Variants in FRMPD4 observed in about 807,000 individuals in gnomAD.
The protein encoded by FRMPD4 is FERM and PDZ domain containing 4.
FRMPD4 carries 22 observed loss-of-function variants against 94.1 expected under a neutral mutation model. That is an observed-to-expected ratio of 0.23 (90% confidence interval 0.17 to 0.33). The LOEUF is 0.33. Among genes scored for constraint, FRMPD4 ranks in the 10% least tolerant of loss-of-function variants. FRMPD4 has a pLI of 1.00. For synonymous variants in FRMPD4, 631 were observed against 548.6 expected (o/e 1.15, Z -2.10); for missense variants, 1,111 against 1,339.9 (o/e 0.83, Z 2.67).
intron 2 of FRMPD4, among the ~76,000 whole-genome samples, chrX:12,593,067 C>G (rs1255196675): frequency 2.7e-5 from 3 of 111,830 alleles, no homozygotes; most frequent in African/African-American, 9.8e-5. Flanking sequence ...TTGCTTCCTT[C>G]TCCTCCTGTG....
chrX:12,125,374 G>C (rs1429402457), intron 3 of FRMPD4, among the ~76,000 whole-genome samples: 1 of 112,102 alleles, frequency 8.9e-6, no homozygotes, highest in Admixed American at 9.4e-5. Flanking sequence ...GGTGTTACCA[G>C]AAAGAAAGAA....
At chrX:11,988,315 G>C (rs904253294) in intron 3 of FRMPD4, among the ~76,000 whole-genome samples, 5 of 103,605 alleles carry the variant, frequency 4.8e-5, no homozygotes, top group African/African-American at 1.9e-4. Context: ...TTCTACAAAG[G>C]TGCCAAGAAA....
chrX:12,570,741 A>G (rs912634924), intron 2 of FRMPD4, among the ~76,000 whole-genome samples: 11 of 111,473 alleles, frequency 9.9e-5, no homozygotes, highest in African/African-American at 2.9e-4. Context: ...ACTGAACCCT[A>G]TGGATTCTGT....
intron 1 of FRMPD4, among the ~76,000 whole-genome samples, chrX:12,445,240 C>T (rs191935715): frequency 1.4e-4 from 16 of 112,275 alleles, no homozygotes; most frequent in Admixed American, 1.4e-3. Context: ...AACTGTAGGT[C>T]CCTCTACAGA....
In FRMPD4 at chrX:12,492,131, T is replaced by TCGGGGCAGGG. The variant is rs1451459572; in HGVS notation, c.42-6549_42-6548insCGGGGCAGGG. On this transcript the variant is annotated intron_variant, in intron 1 of 16. Coordinates refer to ENST00000675598, the MANE Select transcript of FRMPD4 (RefSeq NM_001368397.1). ...AATTCGGGGCAGGGCTGCATCTAAC[T>TCGGGGCAGGG]TTAATGGCAACCACTGCATGTGATG... is the stretch of plus-strand genomic sequence containing the variant. Among the ~76,000 whole-genome samples the TCGGGGCAGGG allele has an allele frequency of 5.3e-5, 6 of 112,236 alleles. No individual in the cohort carries two copies. In the South Asian group the frequency reaches 1.5e-3, roughly 28 times the overall value.
chrX:12,696,136 TGA>T (rs2060126209), intron 9 of FRMPD4, among the ~76,000 whole-genome samples: 1 of 113,000 alleles, frequency 8.8e-6, no homozygotes, highest in South Asian at 3.6e-4. Flanking sequence ...ATTGGTATGA[TGA>T]GAGTTTTCCC....
At chrX:11,906,114 A>ATTTT (rs2053965862) in intron 3 of FRMPD4, among the ~76,000 whole-genome samples, 1 of 49,701 alleles carries the variant, frequency 2.0e-5, no homozygotes, top group Non-Finnish European at 4.1e-5. Flanking sequence ...GTTTCCCTTC[A>ATTTT]TTTTATTTAT....
chrX:12,111,554 G>C lies in FRMPD4; in HGVS notation c.95+233536G>C, dbSNP rs1411752029. Among the ~76,000 whole-genome samples, 45 of 111,419 alleles carry C rather than the reference G, an allele frequency of 4.0e-4. No individual in the cohort carries two copies. The Middle Eastern group carries it at 0.023, about 58-fold the overall frequency. The stretch of plus-strand genomic sequence containing the variant: ...AACACCAAAAGCAATGGCAACAAAA[G>C]CCAAAATTGACAAATGAGATCTAAT... On this transcript the variant is annotated intron_variant, in intron 3 of 18. Transcript: ENST00000640291.
At chrX:12,164,285 G>C (rs1346336706) in intron 1 of FRMPD4, among the ~76,000 whole-genome samples, 3 of 111,031 alleles carry the variant, frequency 2.7e-5, no homozygotes, top group Non-Finnish European at 5.7e-5. Context: ...CTATGAGTGA[G>C]AACATGCGGT....
At chrX:11,913,334 A>G (rs1341793127) in intron 3 of FRMPD4, among the ~76,000 whole-genome samples, 1 of 112,469 alleles carries the variant, frequency 8.9e-6, no homozygotes, top group East Asian at 2.8e-4. Flanking sequence ...CTAACTGCAC[A>G]TTGAATCATC....
chrX:12,060,419 T>C (rs1391124548), intron 3 of FRMPD4, among the ~76,000 whole-genome samples: 1 of 108,972 alleles, frequency 9.2e-6, no homozygotes, highest in East Asian at 2.9e-4. Context: ...TTTTTTTTTT[T>C]GAGGTGTGTG....
intron 1 of FRMPD4, among the ~76,000 whole-genome samples, chrX:12,465,533 T>C (rs2148163241): frequency 8.9e-6 from 1 of 111,771 alleles, no homozygotes; most frequent in East Asian, 2.8e-4. Flanking sequence ...GTCATTCCAT[T>C]GGTTAGAAAA....
intron 1 of FRMPD4, among the ~76,000 whole-genome samples, chrX:12,475,472 G>A (rs1400121670): frequency 9.0e-6 from 1 of 111,503 alleles, no homozygotes; most frequent in African/African-American, 3.3e-5. Flanking sequence ...GGGCAATCAG[G>A]CAGGAGAAGG....
chrX:11,967,916 A>G (rs1383502976), intron 3 of FRMPD4, among the ~76,000 whole-genome samples: 1 of 109,740 alleles, frequency 9.1e-6, no homozygotes, highest in Non-Finnish European at 1.9e-5. Context: ...CAGTATCTAG[A>G]ATTTTGTGTT....
At chrX:12,527,812 C>T (rs778296139) in intron 2 of FRMPD4, among the ~76,000 whole-genome samples, 1 of 111,932 alleles carries the variant, frequency 8.9e-6, no homozygotes, top group East Asian at 2.8e-4. Context: ...GATGGGATGC[C>T]GTTGTTGGAA....
chrX:12,566,470 CAA>C (rs947491711), intron 2 of FRMPD4, among the ~76,000 whole-genome samples: 1 of 110,721 alleles, frequency 9.0e-6, no homozygotes, highest in Non-Finnish European at 1.9e-5. Flanking sequence ...ATTTCTCTTA[CAA>C]AAAAAAGATT....
At chrX:12,709,110 G>A (rs1020449218) in intron 13 of FRMPD4, among the ~76,000 whole-genome samples, 2 of 111,857 alleles carry the variant, frequency 1.8e-5, no homozygotes, top group African/African-American at 6.5e-5. Flanking sequence ...TGTCGTGCCC[G>A]GCCGATGGCG....
intron 2 of FRMPD4, among the ~76,000 whole-genome samples, chrX:12,586,703 C>A (rs1488394934): frequency 1.8e-5 from 2 of 111,874 alleles, no homozygotes; most frequent in East Asian, 2.8e-4. Flanking sequence ...TATTATAAAA[C>A]CTTCCTCAAG....
At chrX:12,342,898 A>G (rs1191636292) in intron 1 of FRMPD4, among the ~76,000 whole-genome samples, 2 of 112,145 alleles carry the variant, frequency 1.8e-5, no homozygotes, top group African/African-American at 6.5e-5. Flanking sequence ...CAAGTATACA[A>G]AGAGATTAAC....
Sources: gnomAD v4.1 joint callset for allele counts (sites outside exome capture counted in the v4.1 genomes callset) on GRCh38, gnomAD v4.1.1 for gene constraint, MANE v1.5 for transcripts, NCBI Gene and HGNC (gene_info 2026-07-23, HGNC 2026-07-21) for gene names.